PKP2: variants seen among roughly 807,000 people sequenced by gnomAD.
The protein encoded by PKP2 is plakophilin 2.
PKP2 carries 73 observed loss-of-function variants against 83.4 expected under a neutral mutation model. The ratio of observed to expected loss-of-function variants is 0.88; its 90% CI spans 0.72 to 1.06. The LOEUF (loss-of-function observed/expected upper bound fraction) is 1.06. PKP2 is among the 50% of genes least tolerant of loss of function. The pLI is 0.00. For missense variants in PKP2, 966 were observed against 1,065.4 expected, an observed-to-expected ratio of 0.91 and a Z score of 1.30; for synonymous variants, 409 against 430.4, an observed-to-expected ratio of 0.95 and a Z score of 0.62.
chr12:32,877,787 G>C, intron 3 of PKP2, 59 bp downstream of exon 3: 1 of 1,235,242 alleles, frequency 8.1e-7, no homozygotes, highest in Non-Finnish European at 1.2e-6. Context: ...ATGCTGTCAG[G>C]GCTGTGGGAA....
chr12:32,873,167 A>G (rs895939882), intron 3 of PKP2, among the ~76,000 whole-genome samples: 1 of 151,740 alleles, frequency 6.6e-6, no homozygotes, highest in African/African-American at 2.4e-5. Flanking sequence ...TGTCACGATC[A>G]TGGCTGACTG....
At chr12:32,858,710 T>A (rs1027176518) in intron 4 of PKP2, among the ~76,000 whole-genome samples, 2 of 152,172 alleles carry the variant, frequency 1.3e-5, no homozygotes, top group African/African-American at 2.4e-5. Context: ...TTGCCACATA[T>A]GTAACAACAA....
chr12:32,829,747 G>A (rs987198490), intron 6 of PKP2, among the ~76,000 whole-genome samples: 1 of 151,836 alleles, frequency 6.6e-6, no homozygotes, highest in East Asian at 1.9e-4. Context: ...TGCAACCTCC[G>A]CTGCCCAAGT....
chr12:32,866,888 T>C (rs960873381), intron 4 of PKP2, among the ~76,000 whole-genome samples: 1 of 152,160 alleles, frequency 6.6e-6, no homozygotes, highest in Admixed American at 6.5e-5. Context: ...GTAGCTTTAT[T>C]TGTAATAGCC....
At chr12:32,888,374 ATACT>A (rs1957048618) in intron 1 of PKP2, among the ~76,000 whole-genome samples, 1 of 152,222 alleles carries the variant, frequency 6.6e-6, no homozygotes. Flanking sequence ...TTGCTTTAAA[ATACT>A]TACTACAGGT....
At chr12:32,838,899 G>T (rs931174350) in intron 6 of PKP2, among the ~76,000 whole-genome samples, 1 of 152,172 alleles carries the variant, frequency 6.6e-6, no homozygotes, top group Non-Finnish European at 1.5e-5. Flanking sequence ...GGGGAAGCTG[G>T]AAAATGTTTC....
At chr12:32,884,270 A>G (rs965903656) in intron 1 of PKP2, among the ~76,000 whole-genome samples, 5 of 152,282 alleles carry the variant, frequency 3.3e-5, no homozygotes. Context: ...CCTGGCCAGC[A>G]TGGTGAAATC....
chr12:32,848,150 C>T (rs999016292), intron 5 of PKP2, among the ~76,000 whole-genome samples: 1 of 152,184 alleles, frequency 6.6e-6, no homozygotes, highest in African/African-American at 2.4e-5. Flanking sequence ...TGGTAGGGCG[C>T]GGTGGCTCAC....
At chr12:32,844,041 C>G (rs983578264) in intron 5 of PKP2, among the ~76,000 whole-genome samples, 7 of 152,282 alleles carry the variant, frequency 4.6e-5, no homozygotes, top group Admixed American at 3.9e-4. Flanking sequence ...ACAATAAAAA[C>G]CAGAGAGGAT....
chr12:32,878,404 G>A lies in PKP2; in HGVS notation c.476C>T (p.Ala159Val), dbSNP rs1956954851. ...CTGGTAATCGCTGTGCGTGTAGTGA[G>A]CCCTCTCCGGGCTGCTGTCAGGAGA... is the stretch of plus-strand genomic sequence containing the variant. Reference protein sequence around the residue: ...EISPDSSPERAHYTHSDYQYS... With the variant: ...EISPDSSPERVHYTHSDYQYS... Residue 159 changes from alanine (A) to valine (V), a missense_variant, in exon 3 of 13, where the codon GCT becomes GTT. Physicochemically the swap from Ala to Val is moderately conservative, Grantham distance 64 (BLOSUM62 0). Coordinates refer to ENST00000340811, the MANE Select transcript of PKP2 (RefSeq NM_001005242.3). 6.2e-7 allele frequency: 1 copy of A among 1,613,886 alleles called. No individual in the cohort carries two copies. The highest frequency in any genetic ancestry group is 1.3e-5 in the African/African-American group (1 of 74,884).
intron 1 of PKP2, among the ~76,000 whole-genome samples, chr12:32,889,950 C>T (rs191207828): frequency 3.0e-4 from 45 of 151,868 alleles, no homozygotes; most frequent in African/African-American, 1.0e-3. Flanking sequence ...TGGCACACAC[C>T]TGTAATCCCA....
chr12:32,794,505 A>C (rs978566112), intron 11 of PKP2, among the ~76,000 whole-genome samples: 5 of 152,212 alleles, frequency 3.3e-5, no homozygotes, highest in African/African-American at 1.2e-4. Context: ...GAGGACTCAC[A>C]AGTGGACACT....
rs116844411 is a variant in PKP2 at position 32,856,922 on chromosome 12, G to A, written c.1171-5949C>T. On this transcript the variant is annotated intron_variant, in intron 4 of 12. Transcript: ENST00000340811. The stretch of plus-strand genomic sequence containing the variant: ...GCATTCTCAGGACAACTCTTGGTAG[G>A]AGAACTATTTCTACTTTATAGGTAA... Among the ~76,000 whole-genome samples, 32 of 152,244 alleles carry A rather than the reference G, an allele frequency of 2.1e-4. No homozygotes were observed. In the East Asian group the frequency reaches 6.2e-3, roughly 30 times the overall value.
intron 6 of PKP2, among the ~76,000 whole-genome samples, chr12:32,825,283 C>T (rs1200471504): frequency 6.6e-6 from 1 of 150,772 alleles, no homozygotes; most frequent in Non-Finnish European, 1.5e-5. Context: ...ATTCTCCTGC[C>T]TCAGCCTCCC....
At chr12:32,805,400 T>C (rs898169240) in intron 9 of PKP2, among the ~76,000 whole-genome samples, 4 of 152,208 alleles carry the variant, frequency 2.6e-5, no homozygotes, top group African/African-American at 9.6e-5. Flanking sequence ...CTGAATGGTA[T>C]TGCCTAGATT....
Position 32,896,526 on chromosome 12 carries a change from C to T in PKP2, c.206G>A (p.Arg69His). The change falls in exon 1 of 13, where the codon CGC becomes CAC. Residue 69 changes from arginine (R) to histidine (H), a missense_variant. Arg to His is a conservative substitution (Grantham distance 29). Coordinates refer to ENST00000340811, the MANE Select transcript of PKP2 (RefSeq NM_001005242.3). ...CCACTCACCGTTGCCCACGGAGCTG[C>T]GGCCCTTCCGGGCGAGGGTCTGCTG... ...QVQQTLARKG[R>H]SSVGNGNLHR... The T allele has an allele frequency of 6.4e-7, 1 of 1,550,788 alleles. No individual in the cohort carries two copies. The highest frequency in any genetic ancestry group is 8.7e-7 in the Non-Finnish European group (1 of 1,154,968).
intron 6 of PKP2, among the ~76,000 whole-genome samples, chr12:32,838,862 C>A (rs1464864873): frequency 6.6e-6 from 1 of 152,160 alleles, no homozygotes; most frequent in Non-Finnish European, 1.5e-5. Flanking sequence ...CCGTTTGAAC[C>A]CTCAGGAACA....
intron 9 of PKP2, among the ~76,000 whole-genome samples, chr12:32,804,294 T>C (rs1956205473): frequency 6.6e-6 from 1 of 152,306 alleles, no homozygotes; most frequent in East Asian, 1.9e-4. Flanking sequence ...TCATTAACAA[T>C]GGCTTTTTTT....
intron 8 of PKP2, among the ~76,000 whole-genome samples, chr12:32,822,251 T>C (rs1443346595): frequency 6.6e-6 from 1 of 152,242 alleles, no homozygotes; most frequent in Non-Finnish European, 1.5e-5. Flanking sequence ...ACTTATTTGC[T>C]GAATTATTCC....
Sources: allele counts gnomAD v4.1 joint callset (sites outside exome capture counted in the v4.1 genomes callset), GRCh38; gene constraint gnomAD v4.1.1; transcripts MANE v1.5; gene names NCBI Gene and HGNC (gene_info 2026-07-23, HGNC 2026-07-21).